Variants in PAQR8 observed in about 807,000 individuals in gnomAD.
The protein encoded by PAQR8 is membrane progestin receptor beta.
PAQR8 carries 17 observed loss-of-function variants against 25.2 expected under a neutral mutation model. The observed-to-expected ratio is 0.67, with a 90% CI of 0.46 to 1.01. PAQR8 has a LOEUF of 1.01. Ranked by LOEUF, PAQR8 falls within the 50% of genes least tolerant of loss-of-function variation. The pLI is 0.00. For missense variants in PAQR8, 392 were observed against 448.4 expected, an observed-to-expected ratio of 0.87 and a Z score of 1.14; for synonymous variants, 204 against 190.6, an observed-to-expected ratio of 1.07 and a Z score of -0.58.
chr6:52,398,256 G>A (rs1229588044), intron 1 of PAQR8, among the ~76,000 whole-genome samples: 3 of 147,822 alleles, frequency 2.0e-5, no homozygotes, highest in African/African-American at 7.5e-5. Context: ...GCCCACGCTG[G>A]AGTGCAATGG....
chr6:52,392,362 G>A (rs1763719378), intron 1 of PAQR8, among the ~76,000 whole-genome samples: 1 of 151,190 alleles, frequency 6.6e-6, no homozygotes, highest in South Asian at 2.1e-4. Flanking sequence ...AAAAAAAAGT[G>A]TCACATAGTG....
chr6:52,395,038 G>A (rs1763751334), intron 1 of PAQR8, among the ~76,000 whole-genome samples: 1 of 151,966 alleles, frequency 6.6e-6, no homozygotes, highest in Admixed American at 6.6e-5. Context: ...AGGCTGAGGT[G>A]GGTAGATCAC....
chr6:52,372,748 A>G (rs1315692060), intron 1 of PAQR8, among the ~76,000 whole-genome samples: 1 of 149,328 alleles, frequency 6.7e-6, no homozygotes, highest in Non-Finnish European at 1.5e-5. Context: ...ATATATATAT[A>G]TATGGATATA....
At chr6:52,365,321 A>ATT (rs112378494) in intron 1 of PAQR8, among the ~76,000 whole-genome samples, 4 of 149,098 alleles carry the variant, frequency 2.7e-5, no homozygotes, top group Non-Finnish European at 6.0e-5. Flanking sequence ...TAAAATTCGC[A>ATT]TTTTTTTTTT....
At chr6:52,368,707 A>G (rs988151595) in intron 1 of PAQR8, among the ~76,000 whole-genome samples, 1 of 152,164 alleles carries the variant, frequency 6.6e-6, no homozygotes, top group East Asian at 1.9e-4. Flanking sequence ...AGTTTTATAT[A>G]TCTTCTCAAA....
chr6:52,375,849 A>G lies in PAQR8; in HGVS notation c.-53+13600A>G, dbSNP rs139938040. Among the ~76,000 whole-genome samples, 158 of 152,324 alleles carry G rather than the reference A, an allele frequency of 1.0e-3. 1 individual carries two copies. Among genetic ancestry groups the G allele is most frequent in the African/African-American group, 3.7e-3 (154 of 41,564 alleles). ...GGGATGCTTTAAACACTGATGGTTC[A>G]TGGAAGATTTGGAAGTTGCAACTCT... On this transcript the variant is annotated intron_variant, in intron 1 of 1. Transcript: ENST00000442253.
intron 1 of PAQR8, among the ~76,000 whole-genome samples, chr6:52,380,618 G>A (rs1178093074): frequency 1.3e-5 from 2 of 152,132 alleles, no homozygotes; most frequent in South Asian, 4.1e-4. Flanking sequence ...GAGAAGTTGT[G>A]GTGCCTTGGG....
chr6:52,388,093 A>G (rs2113944875), intron 1 of PAQR8, among the ~76,000 whole-genome samples: 1 of 152,358 alleles, frequency 6.6e-6, no homozygotes, highest in Middle Eastern at 3.4e-3. Context: ...TAATAGAAAT[A>G]GGCTGGATCC....
At chr6:52,391,386 A>ATTTTTGG (rs1763707746) in intron 1 of PAQR8, among the ~76,000 whole-genome samples, 1 of 152,174 alleles carries the variant, frequency 6.6e-6, no homozygotes, top group South Asian at 2.1e-4. Context: ...TACACAATCA[A>ATTTTTGG]ATACTCCATT....
intron 1 of PAQR8, among the ~76,000 whole-genome samples, chr6:52,368,996 A>G (rs143571920): frequency 6.6e-6 from 1 of 152,250 alleles, no homozygotes; most frequent in Non-Finnish European, 1.5e-5. Context: ...CTCTCCTGAG[A>G]GAAAGATTTT....
chr6:52,371,319 A>G (rs1172957085), intron 1 of PAQR8, among the ~76,000 whole-genome samples: 2 of 152,194 alleles, frequency 1.3e-5, no homozygotes, highest in Non-Finnish European at 2.9e-5. Flanking sequence ...TCTCAACAAT[A>G]TATGTACAGT....
At chr6:52,381,266 C>T (rs1301898152) in intron 1 of PAQR8, among the ~76,000 whole-genome samples, 1 of 152,212 alleles carries the variant, frequency 6.6e-6, no homozygotes, top group Non-Finnish European at 1.5e-5. Flanking sequence ...CGGATTCTCT[C>T]TCTAAGTCCT....
chr6:52,379,447 A>T (rs1763525793), intron 1 of PAQR8, among the ~76,000 whole-genome samples: 1 of 151,906 alleles, frequency 6.6e-6, no homozygotes, highest in Non-Finnish European at 1.5e-5. Context: ...TATGTTAGGT[A>T]TTTTACTTTA....
At chr6:52,364,213 C>G (rs1482678884) in intron 1 of PAQR8, among the ~76,000 whole-genome samples, 1 of 147,850 alleles carries the variant, frequency 6.8e-6, no homozygotes, top group African/African-American at 2.5e-5. Context: ...TGGCAACTAG[C>G]ATTTGTTGGG....
At chr6:52,389,246 T>G (rs1763668376) in intron 1 of PAQR8, among the ~76,000 whole-genome samples, 1 of 152,250 alleles carries the variant, frequency 6.6e-6, no homozygotes, top group South Asian at 2.1e-4. Context: ...TTTCGTTTTC[T>G]TAGATCTCAC....
rs1231894928 is a variant in PAQR8, at chr6:52,404,462, CTCCTTT to C, written c.*192_*197del. On this transcript the variant is annotated 3_prime_UTR_variant, in exon 2 of 2. Coordinates refer to ENST00000442253, the MANE Select transcript of PAQR8 (RefSeq NM_133367.5). ...TTTGTTGTTGTTAATAAAAGGAATACTCCTTTTCCTTTTGGATCATAGCTTAACAAG... is the reference window on the plus strand; with the variant it reads ...TTTGTTGTTGTTAATAAAAGGAATACTCCTTTTGGATCATAGCTTAACAAG... 2.6e-5 allele frequency: 16 copies of C among 609,010 alleles called. No homozygotes were observed. The highest frequency in any genetic ancestry group is 1.4e-5 in the Non-Finnish European group (5 of 351,356). The allele number at this position is 609,010 out of a possible 1,614,324, so 37.7% of individuals were successfully genotyped here.
At chr6:52,386,468 T>C (rs1044422499) in intron 1 of PAQR8, among the ~76,000 whole-genome samples, 7 of 152,118 alleles carry the variant, frequency 4.6e-5, no homozygotes, top group African/African-American at 1.7e-4. Flanking sequence ...CCATCAACAG[T>C]GAATTGAATA....
chr6:52,403,540 C>T lies in PAQR8; in HGVS notation c.327C>T (p.Ser109=), dbSNP rs200119544. The T allele has an allele frequency of 4.5e-5, 72 of 1,613,962 alleles. No homozygotes were observed. The highest frequency in any genetic ancestry group is 5.6e-5 in the Non-Finnish European group (66 of 1,180,044). ...AEALPWASTH[S]LPLLLFILSS... Reference sequence around the variant, plus strand: ...CCTTGCCATGGGCGTCTACCCACTCCCTGCCTCTGCTCCTCTTCATCCTGT... The same window carrying T: ...CCTTGCCATGGGCGTCTACCCACTCTCTGCCTCTGCTCCTCTTCATCCTGT... Residue 109 remains serine (S), a synonymous_variant, in exon 2 of 2, where the codon TCC becomes TCT. Coordinates refer to ENST00000442253, the MANE Select transcript of PAQR8 (RefSeq NM_133367.5).
rs1158613124 is a variant in PAQR8, at chr6:52,362,801, C to T, written c.-53+552C>T. ...GTAGGGAGAGCCCGAGGAAGGGCAG[C>T]CCGAGGTAGGGGAACCCCGGAAAGA... On this transcript the variant is annotated intron_variant, in intron 1 of 1. Transcript: ENST00000442253. This position sits in a 1 kb window ranked among gnomAD's most constrained non-coding sequence, Gnocchi z 4.1. Among the ~76,000 whole-genome samples the T allele has an allele frequency of 6.6e-6, 1 of 152,084 alleles. No homozygotes were observed. Among genetic ancestry groups the T allele is most frequent in the African/African-American group, 2.4e-5 (1 of 41,422 alleles).
Sources: gnomAD v4.1 joint callset for allele counts (sites outside exome capture counted in the v4.1 genomes callset) on GRCh38, gnomAD v4.1.1 for gene constraint, Gnocchi (gnomAD v3.1) non-coding constraint, MANE v1.5 for transcripts, NCBI Gene and HGNC (gene_info 2026-07-23, HGNC 2026-07-21) for gene names.